MAST2: variants seen among roughly 807,000 people sequenced by gnomAD.
MAST2 encodes microtubule-associated serine/threonine-protein kinase 2.
Under a neutral mutation model 147.4 loss-of-function variants are expected in MAST2, and 70 were observed. The observed-to-expected ratio is 0.47, with a 90% CI of 0.39 to 0.58. MAST2 has a LOEUF of 0.58. Among genes scored for constraint, MAST2 ranks in the 20% least tolerant of loss-of-function variants. MAST2 has a pLI of 0.00. For missense variants in MAST2, 2,080 were observed against 2,302.3 expected (o/e 0.90, Z 1.98); for synonymous variants, 869 against 896.8 (o/e 0.97, Z 0.55).
intron 3 of MAST2, among the ~76,000 whole-genome samples, chr1:45,871,983 C>A (rs934503723): frequency 3.9e-5 from 6 of 152,206 alleles, no homozygotes; most frequent in Non-Finnish European, 7.3e-5. Context: ...CCCACCGTGG[C>A]CTCCCAAAGT....
chr1:45,838,212 ATTCT>A (rs1645163210), intron 3 of MAST2, among the ~76,000 whole-genome samples: 1 of 121,456 alleles, frequency 8.2e-6, no homozygotes, highest in Non-Finnish European at 1.7e-5. Flanking sequence ...AATTATATAT[ATTCT>A]TTTTTTTTTT....
chr1:45,841,617 G>C (rs1645279859), intron 3 of MAST2, among the ~76,000 whole-genome samples: 1 of 152,150 alleles, frequency 6.6e-6, no homozygotes, highest in Admixed American at 6.5e-5. Context: ...TGCTGGGCAA[G>C]GTGTCAGAAC....
intron 7 of MAST2, among the ~76,000 whole-genome samples, chr1:46,005,953 T>C (rs902546356): frequency 8.5e-5 from 13 of 152,188 alleles, no homozygotes; most frequent in African/African-American, 3.1e-4. Flanking sequence ...TGAGGAAGCA[T>C]GATTTATTAA....
intron 3 of MAST2, among the ~76,000 whole-genome samples, chr1:45,836,047 A>G (rs1197712283): frequency 1.3e-5 from 2 of 152,224 alleles, no homozygotes; most frequent in Non-Finnish European, 2.9e-5. Context: ...AGCCATTGTG[A>G]ATAGTACTGC....
intron 3 of MAST2, among the ~76,000 whole-genome samples, chr1:45,834,954 C>G (rs1254309734): frequency 6.7e-6 from 1 of 150,250 alleles, no homozygotes; most frequent in East Asian, 1.9e-4. Context: ...TTTTTTTTTT[C>G]CATAATTGAA....
chr1:45,974,471 C>T (rs374574686), intron 5 of MAST2, among the ~76,000 whole-genome samples: 1 of 152,146 alleles, frequency 6.6e-6, no homozygotes, highest in Non-Finnish European at 1.5e-5. Flanking sequence ...TGTTGCATAC[C>T]TGTAGTTCCA....
At chr1:45,860,290 A>G (rs980414630) in intron 3 of MAST2, among the ~76,000 whole-genome samples, 1 of 146,432 alleles carries the variant, frequency 6.8e-6, no homozygotes, top group Non-Finnish European at 1.5e-5. Context: ...AGGCTGAGGC[A>G]GGAGAATCAC....
chr1:45,901,538 A>G (rs1649765431), intron 4 of MAST2, among the ~76,000 whole-genome samples: 1 of 152,144 alleles, frequency 6.6e-6, no homozygotes, highest in African/African-American at 2.4e-5. Context: ...TTCTGTGAAA[A>G]ACGACATTGG....
At chr1:45,901,478 A>C (rs576250890) in intron 4 of MAST2, among the ~76,000 whole-genome samples, 1 of 152,106 alleles carries the variant, frequency 6.6e-6, no homozygotes, top group African/African-American at 2.4e-5. Context: ...TGCTTTTACT[A>C]TGTGGGCTCT....
At chr1:45,826,984 C>T (rs571859966) in intron 2 of MAST2, among the ~76,000 whole-genome samples, 1 of 152,114 alleles carries the variant, frequency 6.6e-6, no homozygotes, top group South Asian at 2.1e-4. Flanking sequence ...GCCATGCCAC[C>T]ACACCCAGCT....
At chr1:45,906,397 T>TA (rs1055610766) in intron 4 of MAST2, among the ~76,000 whole-genome samples, 1 of 151,692 alleles carries the variant, frequency 6.6e-6, no homozygotes, top group Non-Finnish European at 1.5e-5. Flanking sequence ...AATTTAAAAA[T>TA]AAAAAACAGC....
At chr1:45,979,794 C>T (rs758783496) in intron 5 of MAST2, among the ~76,000 whole-genome samples, 12 of 152,112 alleles carry the variant, frequency 7.9e-5, no homozygotes, top group Admixed American at 2.0e-4. Flanking sequence ...TATGCCTGCA[C>T]CACTGCACTC....
intron 3 of MAST2, among the ~76,000 whole-genome samples, chr1:45,854,175 A>G (rs1036984340): frequency 6.6e-6 from 1 of 152,030 alleles, no homozygotes; most frequent in African/African-American, 2.4e-5. Flanking sequence ...CCTATCTACT[A>G]AAAATATAAC....
At chr1:45,840,975 G>A (rs991551507) in intron 3 of MAST2, among the ~76,000 whole-genome samples, 4 of 152,148 alleles carry the variant, frequency 2.6e-5, no homozygotes, top group East Asian at 3.8e-4. Flanking sequence ...TTTTGAGACA[G>A]GGACTTGCTT....
At chr1:45,978,126 A>G (rs1338052841) in intron 5 of MAST2, among the ~76,000 whole-genome samples, 1 of 152,228 alleles carries the variant, frequency 6.6e-6, no homozygotes, top group Non-Finnish European at 1.5e-5. Flanking sequence ...GTATGATTGA[A>G]AAATGGCCAA....
intron 1 of MAST2, among the ~76,000 whole-genome samples, chr1:45,820,875 C>T (rs1352016300): frequency 3.0e-5 from 3 of 99,032 alleles, no homozygotes; most frequent in Admixed American, 1.0e-4. Flanking sequence ...GCCTCGATTT[C>T]AATTTCTCTT....
At chr1:45,941,071 A>G (rs1395309994) in intron 4 of MAST2, among the ~76,000 whole-genome samples, 2 of 152,200 alleles carry the variant, frequency 1.3e-5, no homozygotes, top group Non-Finnish European at 2.9e-5. Context: ...TTATTTTGGC[A>G]GCTAGCTTGC....
chr1:45,840,420 AAAAGTAAATAC>A (rs1355005375), intron 3 of MAST2, among the ~76,000 whole-genome samples: 1 of 152,220 alleles, frequency 6.6e-6, no homozygotes, highest in Admixed American at 6.5e-5. Context: ...TCTACTTTAC[AAAAGTAAATAC>A]AAACTCAGGC....
chr1:45,993,135 T>C (rs963877227), intron 5 of MAST2, among the ~76,000 whole-genome samples: 1 of 151,968 alleles, frequency 6.6e-6, no homozygotes, highest in Non-Finnish European at 1.5e-5. Flanking sequence ...GTAATAATAT[T>C]ATTATTAATT....
Sources: gnomAD v4.1 joint callset for allele counts (sites outside exome capture counted in the v4.1 genomes callset) on GRCh38, gnomAD v4.1.1 for gene constraint, MANE v1.5 for transcripts, NCBI Gene and HGNC (gene_info 2026-07-23, HGNC 2026-07-21) for gene names.